Variants in FCRL4 observed in about 807,000 individuals in gnomAD.
The protein encoded by FCRL4 is Fc receptor-like protein 4.
Under a neutral mutation model 64.1 loss-of-function variants are expected in FCRL4, and 43 were observed. That is an observed-to-expected ratio of 0.67 (90% confidence interval 0.53 to 0.87). The LOEUF (loss-of-function observed/expected upper bound fraction) is 0.87, where lower values mean the gene tolerates loss of function less well. Ranked by LOEUF, FCRL4 falls within the 40% of genes least tolerant of loss-of-function variation. FCRL4 has a pLI of 0.00. For synonymous variants in FCRL4, 253 were observed against 239.8 expected, an observed-to-expected ratio of 1.05 and a Z score of -0.51; for missense variants, 656 against 613.5, an observed-to-expected ratio of 1.07 and a Z score of -0.73.
intron 6 of FCRL4, among the ~76,000 whole-genome samples, chr1:157,583,107 TACTC>T (rs1652599075): frequency 6.6e-6 from 1 of 152,246 alleles, no homozygotes; most frequent in East Asian, 1.9e-4. Flanking sequence ...CTCCTCAACT[TACTC>T]ACTGTGTGGG....
rs1406437370 is a variant in FCRL4, at chr1:157,589,262, G to A, written c.249C>T (p.Tyr83=). ...NTLEVRESGL[Y]RCQARGSPRS... is the part of the protein sequence containing the mutation. The stretch of plus-strand genomic sequence containing the variant: ...GTGGGGAGCCCCGGGCCTGGCATCT[G>A]TACAGTCCAGATTCCCGAACCTCGA... The change falls in exon 3 of 12, where the codon TAC becomes TAT. Residue 83 remains tyrosine (Y), a synonymous_variant. Coordinates refer to ENST00000271532, the MANE Select transcript of FCRL4 (RefSeq NM_031282.3). 3.1e-6 allele frequency: 5 copies of A among 1,614,196 alleles called. No homozygotes were observed. The South Asian group carries it at 5.5e-5, about 18-fold the overall frequency.
intron 6 of FCRL4, among the ~76,000 whole-genome samples, chr1:157,584,285 C>A (rs1571138903): frequency 6.6e-6 from 1 of 152,100 alleles, no homozygotes; most frequent in Non-Finnish European, 1.5e-5. Flanking sequence ...TTCTTCCTCT[C>A]CCCTAATCTG....
chr1:157,597,318 T>A (rs1205912944), intron 1 of FCRL4, among the ~76,000 whole-genome samples: 1 of 152,210 alleles, frequency 6.6e-6, no homozygotes, highest in African/African-American at 2.4e-5. Flanking sequence ...AAATATTTAA[T>A]GAACAAAAGA....
intron 5 of FCRL4, 50 bp downstream of exon 5, chr1:157,587,226 C>G: frequency 6.3e-7 from 1 of 1,591,478 alleles, no homozygotes; most frequent in East Asian, 2.2e-5. Flanking sequence ...GCCTACAGAG[C>G]CCAAGGGGCA....
rs1048465915 is a variant in FCRL4 at position 157,581,436 on chromosome 1, T to C, written c.1249+95A>G. The stretch of plus-strand genomic sequence containing the variant: ...GAGTGGAGACTTGGGAGTGGAGACT[T>C]GGGAGTGGTGGCCTGGTGGCCACTA... On this transcript the variant is annotated intron_variant, in intron 7 of 11. Coordinates refer to ENST00000271532, the MANE Select transcript of FCRL4 (RefSeq NM_031282.3). 3.2e-6 allele frequency: 3 copies of C among 948,248 alleles called. No homozygotes were observed. In the East Asian group the frequency reaches 7.5e-5, roughly 24 times the overall value. 58.7% of individuals were successfully genotyped at this position (948,248 alleles called of 1,614,324 possible).
chr1:157,589,088 G>A (rs1366423038), intron 3 of FCRL4, 116 bp downstream of exon 3: 3 of 1,150,842 alleles, frequency 2.6e-6, no homozygotes, highest in Non-Finnish European at 2.5e-6. Flanking sequence ...TGAAACTAAA[G>A]GAGCTGGGAT....
chr1:157,575,688 A>G lies in FCRL4; in HGVS notation c.1461+11T>C. The stretch of plus-strand genomic sequence containing the variant: ...ATGGTGGAGATAAAACTGTGGGGAA[A>G]TGAAACTCACCTTATCCTCTAGAAG... On this transcript the variant is annotated intron_variant, in intron 11 of 11. Transcript: ENST00000271532. 1 of 1,613,850 alleles carries G rather than the reference A, an allele frequency of 6.2e-7. No individual in the cohort carries two copies. Among genetic ancestry groups the G allele is most frequent in the Non-Finnish European group, 8.5e-7 (1 of 1,179,754 alleles).
intron 4 of FCRL4, 151 bp downstream of exon 4, chr1:157,587,714 G>T: frequency 9.0e-7 from 1 of 1,110,774 alleles, no homozygotes; most frequent in Non-Finnish European, 1.3e-6. Context: ...GGATTATTCA[G>T]GTCCAATCAC....
In FCRL4 at chr1:157,586,192, T is replaced by C. The variant is rs1195711028; in HGVS notation, c.1111A>G (p.Met371Val). The C allele has an allele frequency of 1.2e-6, 2 of 1,611,724 alleles. No individual in the cohort carries two copies. The highest frequency in any genetic ancestry group is 1.7e-5 in the Admixed American group (1 of 59,924). Reference protein sequence around the residue: ...ADNSYGPVQSMVLNVTVRETP... With the variant: ...ADNSYGPVQSVVLNVTVRETP... ...CCTCTCACAGTGACATTCAGCACCA[T>C]GCTCTGGACAGGGCCGTAGCTGTTG... The change falls in exon 6 of 12, where the codon ATG (methionine) becomes GTG (valine). Residue 371 changes from methionine (M) to valine (V), a missense_variant. Physicochemically the swap from Met to Val is conservative, Grantham distance 21. Coordinates refer to ENST00000271532, the MANE Select transcript of FCRL4 (RefSeq NM_031282.3).
intron 1 of FCRL4, among the ~76,000 whole-genome samples, chr1:157,597,708 CA>C (rs903019372): frequency 1.6e-4 from 25 of 152,252 alleles, no homozygotes; most frequent in African/African-American, 5.5e-4. Context: ...CAATTCATAG[CA>C]AAAATAGATG....
intron 5 of FCRL4, among the ~76,000 whole-genome samples, chr1:157,586,838 A>T (rs1266375113): frequency 3.3e-5 from 5 of 152,084 alleles, no homozygotes. Flanking sequence ...TATTGGGCCT[A>T]TCTATCTATC....
chr1:157,587,904 C>A lies in FCRL4; in HGVS notation c.523G>T (p.Asp175Tyr). ...ATTTTGAAATTTGATCTAAATACATCATTCTCGTCTCCATATCCAATGCAT... is the reference window on the plus strand; with the variant it reads ...ATTTTGAAATTTGATCTAAATACATAATTCTCGTCTCCATATCCAATGCAT... ...YRCIGYGDEN[D>Y]VFRSNFKIIK... The change falls in exon 4 of 12, where the codon GAT becomes TAT. Residue 175 changes from aspartate to tyrosine, a missense_variant. By Grantham distance (160) the Asp-to-Tyr change is radical. Coordinates refer to ENST00000271532, the MANE Select transcript of FCRL4 (RefSeq NM_031282.3). The A allele has an allele frequency of 1.2e-6, 2 of 1,609,878 alleles. No homozygotes were observed. Among genetic ancestry groups the A allele is most frequent in the Non-Finnish European group, 1.7e-6 (2 of 1,176,850 alleles).
chr1:157,595,703 A>T (rs754319912), intron 2 of FCRL4, among the ~76,000 whole-genome samples: 11 of 152,220 alleles, frequency 7.2e-5, no homozygotes, highest in Non-Finnish European at 1.3e-4. Flanking sequence ...CAGAGTTAGG[A>T]GCTGCAAGAG....
rs1482580022 is a variant in FCRL4 at position 157,578,505 on chromosome 1, G to A, written c.1398C>T (p.Ile466=). ...CTTCTTCTCCCAGCTGAGTAGTCTG[G>A]ATCTCAGAGTATACCAAATCTCCCT... ...PKKGDLVYSE[I]QTTQLGEEEE... Residue 466 remains isoleucine, a synonymous_variant, in exon 10 of 12, where the codon ATC becomes ATT. Transcript: ENST00000271532. 3.1e-6 allele frequency: 5 copies of A among 1,613,976 alleles called. No individual in the cohort carries two copies. Among genetic ancestry groups the A allele is most frequent in the Non-Finnish European group, 4.2e-6 (5 of 1,179,836 alleles).
At chr1:157,597,813 A>G in intron 1 of FCRL4, 101 bp downstream of exon 1, 1 of 835,202 alleles carries the variant, frequency 1.2e-6, no homozygotes, top group Non-Finnish European at 2.0e-6. Context: ...CTGTTCTAAA[A>G]TGGGAGTAAA....
intron 3 of FCRL4, among the ~76,000 whole-genome samples, chr1:157,588,735 A>G (rs926073230): frequency 2.6e-5 from 4 of 152,220 alleles, no homozygotes; most frequent in African/African-American, 9.6e-5. Flanking sequence ...ACTGGACAGG[A>G]GGAGCTGTGG....
intron 2 of FCRL4, among the ~76,000 whole-genome samples, chr1:157,591,447 G>T (rs1458008296): frequency 6.6e-6 from 1 of 152,170 alleles, no homozygotes; most frequent in African/African-American, 2.4e-5. Flanking sequence ...GGTGGGACAG[G>T]GGTTGTAGAT....
chr1:157,586,571 G>A, intron 5 of FCRL4, 116 bp from the exon 6 acceptor site: 1 of 865,916 alleles, frequency 1.2e-6, no homozygotes, highest in East Asian at 2.5e-5. Flanking sequence ...TCTTCAGCAG[G>A]CACTAGCATT....
At chr1:157,588,671 A>G (rs916992262) in intron 3 of FCRL4, among the ~76,000 whole-genome samples, 5 of 152,084 alleles carry the variant, frequency 3.3e-5, no homozygotes, top group African/African-American at 1.2e-4. Flanking sequence ...TTGAATGCCT[A>G]CTCCTGTAGT....
Sources: gnomAD v4.1 joint callset for allele counts (sites outside exome capture counted in the v4.1 genomes callset) on GRCh38, gnomAD v4.1.1 for gene constraint, MANE v1.5 for transcripts, NCBI Gene and HGNC (gene_info 2026-07-23, HGNC 2026-07-21) for gene names.